Variants in USP33 observed in about 807,000 individuals in gnomAD.
USP33 encodes ubiquitin specific peptidase 33.
Under a neutral mutation model 124.2 loss-of-function variants are expected in USP33, and 46 were observed. The ratio of observed to expected loss-of-function variants is 0.37; its 90% CI spans 0.29 to 0.47. The LOEUF (loss-of-function observed/expected upper bound fraction) is 0.47, where lower values mean the gene tolerates loss of function less well. Ranked by LOEUF, USP33 falls within the 20% of genes least tolerant of loss-of-function variation. The pLI is 0.99. For missense variants in USP33, 851 were observed against 1,070.6 expected, an observed-to-expected ratio of 0.79 and a Z score of 2.86; for synonymous variants, 350 against 352.3, an observed-to-expected ratio of 0.99 and a Z score of 0.07.
intron 21 of USP33, among the ~76,000 whole-genome samples, chr1:77,710,943 C>T (rs1461283915): frequency 1.3e-5 from 2 of 151,942 alleles, no homozygotes; most frequent in Non-Finnish European, 2.9e-5. Context: ...CCCATAAAAC[C>T]TGGTTGTTCA....
rs192113904 is a variant in USP33 at position 77,759,350 on chromosome 1, G to A, written c.-52+293C>T. ...GAGCCCCCGCTTCTCGGGCTCACCTGCACCTCCCGCTTCCAGGGAAGAACC... is the reference window on the plus strand; with the variant it reads ...GAGCCCCCGCTTCTCGGGCTCACCTACACCTCCCGCTTCCAGGGAAGAACC... On this transcript the variant is annotated intron_variant, in intron 1 of 23. Coordinates refer to ENST00000370794, the MANE Select transcript of USP33 (RefSeq NM_201624.3). 1,413 of 370,502 alleles carry A rather than the reference G, an allele frequency of 3.8e-3. 5 individuals carry two copies. The highest frequency in any genetic ancestry group is 5.6e-3 in the Non-Finnish European group (1,166 of 208,860). The allele number at this position is 370,502 out of a possible 1,614,324, so 23.0% of individuals were successfully genotyped here.
intron 21 of USP33, among the ~76,000 whole-genome samples, chr1:77,702,834 A>G (rs1361619329): frequency 1.3e-5 from 2 of 152,034 alleles, no homozygotes; most frequent in Non-Finnish European, 1.5e-5. Context: ...AAAAACTGAT[A>G]TAGAAAGAGA....
At chr1:77,707,774 A>G (rs1046862938) in intron 21 of USP33, among the ~76,000 whole-genome samples, 11 of 152,178 alleles carry the variant, frequency 7.2e-5, no homozygotes, top group Non-Finnish European at 1.6e-4. Flanking sequence ...ATAGATACAT[A>G]TTTCTTCCTT....
At position 77,701,380 on chromosome 1, in the gene USP33, C is replaced by T. The variant is rs1341470173; in HGVS notation, c.2498G>A (p.Gly833Asp). 4 of 1,608,412 alleles carry T rather than the reference C, an allele frequency of 2.5e-6. No individual in the cohort carries two copies. In the South Asian group the frequency reaches 4.5e-5, roughly 18 times the overall value. The change falls in exon 22 of 24, where the codon GGT becomes GAT. Residue 833 changes from glycine (G) to aspartate (D), a missense_variant. Transcript: ENST00000370794. ...AGTCAACCACTTACCTCCATCTTTA[C>T]CCTTCACAAAACTTTCCCATTCTCT... ...WFREWESFVK[G>D]KDGDPPGPID...
chr1:77,709,915 C>A (rs2101244426), intron 21 of USP33, among the ~76,000 whole-genome samples: 1 of 134,624 alleles, frequency 7.4e-6, no homozygotes, highest in Non-Finnish European at 1.6e-5. Context: ...ACACACACGT[C>A]CATATTTACT....
chr1:77,752,162 A>G lies in USP33; in HGVS notation c.-52+7481T>C, dbSNP rs146304924. 5.2e-3 allele frequency among the ~76,000 whole-genome samples: 789 copies of G among 150,738 alleles called. 8 individuals carry two copies. Among genetic ancestry groups the G allele is most frequent in the African/African-American group, 0.018 (755 of 40,994 alleles). ...ACAATTTTTTTTTTTTTTGAGACAG[A>G]ATTTCACTCTGTCGCCCAGGCTGGA... is the stretch of plus-strand genomic sequence containing the variant. On this transcript the variant is annotated intron_variant, in intron 1 of 23. Coordinates refer to ENST00000370794, the MANE Select transcript of USP33 (RefSeq NM_201624.3).
chr1:77,738,273 A>G (rs1045142977), intron 5 of USP33, among the ~76,000 whole-genome samples: 4 of 152,250 alleles, frequency 2.6e-5, no homozygotes, highest in Non-Finnish European at 5.9e-5. Context: ...TGTGATTTCT[A>G]TAACACACAT....
intron 6 of USP33, 66 bp downstream of exon 6, chr1:77,735,990 C>T (rs1339148025): frequency 1.7e-6 from 2 of 1,177,316 alleles, no homozygotes; most frequent in Non-Finnish European, 2.3e-6. Context: ...GAAACTTTTA[C>T]ATTATATGGT....
At chr1:77,756,571 A>C (rs1279915523) in intron 1 of USP33, among the ~76,000 whole-genome samples, 1 of 152,146 alleles carries the variant, frequency 6.6e-6, no homozygotes, top group African/African-American at 2.4e-5. Flanking sequence ...CTTTTAGATA[A>C]AGGCAATCTT....
chr1:77,712,687 C>A (rs1343495000), intron 20 of USP33, among the ~76,000 whole-genome samples: 1 of 151,826 alleles, frequency 6.6e-6, no homozygotes. Flanking sequence ...AAAACCCCAT[C>A]TCTACAAAAA....
chr1:77,751,689 T>C (rs1162651995), intron 1 of USP33, among the ~76,000 whole-genome samples: 1 of 151,922 alleles, frequency 6.6e-6, no homozygotes, highest in Non-Finnish European at 1.5e-5. Flanking sequence ...CTTCTGAAGA[T>C]ATTACCTTTT....
intron 23 of USP33, 89 bp from the exon 24 acceptor site, chr1:77,697,563 C>T (rs1435355542): frequency 5.6e-6 from 8 of 1,434,508 alleles, no homozygotes; most frequent in African/African-American, 1.4e-5. Flanking sequence ...CATGAATCTT[C>T]TCGGGATAAT....
intron 9 of USP33, among the ~76,000 whole-genome samples, 159 bp from the exon 10 acceptor site, chr1:77,728,871 A>G (rs1425834285): frequency 6.6e-6 from 1 of 152,200 alleles, no homozygotes; most frequent in East Asian, 1.9e-4. Flanking sequence ...GATAAATGAG[A>G]TGCATTAACT....
At chr1:77,713,103 C>T in intron 20 of USP33, 97 bp downstream of exon 20, 1 of 960,860 alleles carries the variant, frequency 1.0e-6, no homozygotes, top group Non-Finnish European at 1.6e-6. Flanking sequence ...AAAGAATAAA[C>T]ACATAGCACA....
At chr1:77,743,371 A>AT (rs1332716070) in intron 1 of USP33, among the ~76,000 whole-genome samples, 14 of 152,166 alleles carry the variant, frequency 9.2e-5, no homozygotes, top group Admixed American at 8.5e-4. Flanking sequence ...GTGTAAATAC[A>AT]TTTTTTTAAG....
At chr1:77,725,239 A>C (rs1012676141) in intron 11 of USP33, among the ~76,000 whole-genome samples, 1 of 152,190 alleles carries the variant, frequency 6.6e-6, no homozygotes, top group Non-Finnish European at 1.5e-5. Context: ...GGAAAAGGCA[A>C]AACAATAAGA....
chr1:77,753,978 CAT>C (rs1372689268), intron 1 of USP33, among the ~76,000 whole-genome samples: 1 of 152,120 alleles, frequency 6.6e-6, no homozygotes, highest in African/African-American at 2.4e-5. Flanking sequence ...ACTTGATACA[CAT>C]GTTCCAATTG....
intron 19 of USP33, among the ~76,000 whole-genome samples, chr1:77,713,970 T>C (rs1675584456): frequency 6.6e-6 from 1 of 152,258 alleles, no homozygotes; most frequent in Admixed American, 6.5e-5. Context: ...CAGGTATCCC[T>C]ATCCCTTCTG....
chr1:77,723,214 T>C (rs1024086280), intron 12 of USP33, 117 bp downstream of exon 12: 15 of 793,874 alleles, frequency 1.9e-5, no homozygotes, highest in Non-Finnish European at 3.1e-5. Flanking sequence ...ACACAATAAA[T>C]GCATGTATGC....
Sources: allele counts gnomAD v4.1 joint callset (sites outside exome capture counted in the v4.1 genomes callset), GRCh38; gene constraint gnomAD v4.1.1; transcripts MANE v1.5; gene names NCBI Gene and HGNC (gene_info 2026-07-23, HGNC 2026-07-21).